The following CSMD1 variants were observed in gnomAD, a reference collection of about 807,000 sequenced individuals.
The protein encoded by CSMD1 is CUB and Sushi multiple domains 1.
In CSMD1, 213 loss-of-function variants were observed where a neutral mutation model predicts 417.5. The ratio of observed to expected loss-of-function variants is 0.51; its 90% CI spans 0.46 to 0.57. The LOEUF (loss-of-function observed/expected upper bound fraction) is 0.57, where lower values mean the gene tolerates loss of function less well. Ranked by LOEUF, CSMD1 falls within the 20% of genes least tolerant of loss-of-function variation. The pLI is 0.00. For synonymous variants in CSMD1, 2,862 were observed against 1,736.8 expected, an observed-to-expected ratio of 1.65 and a Z score of -16.11; for missense variants, 6,923 against 4,529.7, an observed-to-expected ratio of 1.53 and a Z score of -15.17.
chr8:3,078,505 C>A (rs1040431407), intron 49 of CSMD1, among the ~76,000 whole-genome samples: 2 of 152,152 alleles, frequency 1.3e-5, no homozygotes, highest in African/African-American at 4.8e-5. Context: ...TTGGACTCTG[C>A]GTTTCAGTCT....
At chr8:4,876,784 G>T (rs1803069795) in intron 1 of CSMD1, among the ~76,000 whole-genome samples, 2 of 151,930 alleles carry the variant, frequency 1.3e-5, no homozygotes, top group South Asian at 4.2e-4. Flanking sequence ...AGTTTTTTGG[G>T]GGTGTTTTAT....
At chr8:4,083,032 T>G (rs372714954) in intron 3 of CSMD1, among the ~76,000 whole-genome samples, 54 of 152,174 alleles carry the variant, frequency 3.5e-4, no homozygotes, top group South Asian at 6.2e-4. Flanking sequence ...CATTTGGGTT[T>G]GTTCCAAGTC....
chr8:4,460,458 G>C (rs991073561), intron 2 of CSMD1, among the ~76,000 whole-genome samples: 26 of 151,960 alleles, frequency 1.7e-4, no homozygotes, highest in Non-Finnish European at 3.2e-4. Context: ...ACGGTAAGCA[G>C]AATAACAAAT....
At chr8:4,990,875 C>A (rs59462884) in intron 1 of CSMD1, among the ~76,000 whole-genome samples, 3 of 152,132 alleles carry the variant, frequency 2.0e-5, no homozygotes. Context: ...GCGCACCTCT[C>A]TCGCGGTGGA....
chr8:3,266,014 C>T (rs1421707155), intron 26 of CSMD1, among the ~76,000 whole-genome samples: 1 of 151,906 alleles, frequency 6.6e-6, no homozygotes, highest in Non-Finnish European at 1.5e-5. Flanking sequence ...TGGCATCTTA[C>T]AGGTTCATGA....
chr8:3,319,018 C>G (rs866702369), intron 23 of CSMD1, among the ~76,000 whole-genome samples: 1 of 152,144 alleles, frequency 6.6e-6, no homozygotes, highest in African/African-American at 2.4e-5. Context: ...TCAGCCATTC[C>G]TATGGATCAC....
At chr8:3,503,946 G>T (rs923304323) in intron 10 of CSMD1, among the ~76,000 whole-genome samples, 18 of 152,032 alleles carry the variant, frequency 1.2e-4, no homozygotes, top group Non-Finnish European at 2.5e-4. Context: ...GGAGGCGGGG[G>T]TTAGGGCGTG....
intron 26 of CSMD1, among the ~76,000 whole-genome samples, chr8:3,264,271 G>A (rs887830366): frequency 6.6e-6 from 1 of 152,134 alleles, no homozygotes; most frequent in African/African-American, 2.4e-5. Flanking sequence ...TAAGTACCTG[G>A]TTTGGAATTT....
chr8:3,198,974 C>G (rs1279720116), intron 33 of CSMD1, among the ~76,000 whole-genome samples: 2 of 152,150 alleles, frequency 1.3e-5, no homozygotes, highest in Non-Finnish European at 2.9e-5. Context: ...AAGATCATTT[C>G]TTCCAGATCT....
intron 1 of CSMD1, among the ~76,000 whole-genome samples, chr8:4,660,347 C>T (rs1463103251): frequency 6.7e-6 from 1 of 149,388 alleles, no homozygotes; most frequent in Non-Finnish European, 1.5e-5. Flanking sequence ...TCTAGCAAAA[C>T]ACATACAGGA....
chr8:3,268,943 G>C (rs1801637751), intron 26 of CSMD1, among the ~76,000 whole-genome samples: 2 of 152,288 alleles, frequency 1.3e-5, no homozygotes, highest in Admixed American at 1.3e-4. Context: ...ATAGAAAGAA[G>C]CTGATATTCT....
intron 3 of CSMD1, among the ~76,000 whole-genome samples, chr8:4,052,299 A>C (rs1798474097): frequency 6.6e-6 from 1 of 152,198 alleles, no homozygotes; most frequent in South Asian, 2.1e-4. Flanking sequence ...ATTAGAGAAG[A>C]ACGCTGACAT....
At chr8:2,948,303 G>A (rs1319346114) in intron 68 of CSMD1, among the ~76,000 whole-genome samples, 1 of 152,074 alleles carries the variant, frequency 6.6e-6, no homozygotes, top group East Asian at 1.9e-4. Context: ...GATTTAAGAT[G>A]AAGAAATAGG....
chr8:4,912,462 G>C (rs182356790), intron 1 of CSMD1, among the ~76,000 whole-genome samples: 1 of 152,036 alleles, frequency 6.6e-6, no homozygotes, highest in Non-Finnish European at 1.5e-5. Context: ...AAAACGGGAG[G>C]AGAGCATTTC....
At chr8:4,887,483 A>G (rs370408312) in intron 1 of CSMD1, among the ~76,000 whole-genome samples, 37 of 152,142 alleles carry the variant, frequency 2.4e-4, no homozygotes, top group African/African-American at 8.0e-4. Context: ...TGTTACGTGT[A>G]GATAATTCAT....
At chr8:3,659,116 A>G (rs1798277251) in intron 7 of CSMD1, among the ~76,000 whole-genome samples, 1 of 152,202 alleles carries the variant, frequency 6.6e-6, no homozygotes, top group Admixed American at 6.5e-5. Flanking sequence ...ATTTACATAG[A>G]TAGCACATAA....
chr8:4,847,664 C>G (rs1300508499), intron 1 of CSMD1, among the ~76,000 whole-genome samples: 1 of 151,928 alleles, frequency 6.6e-6, no homozygotes, highest in East Asian at 1.9e-4. Context: ...ATGGTTTCTC[C>G]TTAAGCTCTT....
intron 3 of CSMD1, among the ~76,000 whole-genome samples, chr8:4,324,031 GC>G (rs1469897832): frequency 6.6e-6 from 1 of 152,126 alleles, no homozygotes; most frequent in East Asian, 1.9e-4. Context: ...CCCTTAGCAG[GC>G]CAGTTCCTCT....
At chr8:3,357,940 T>G (rs1362899044) in intron 21 of CSMD1, among the ~76,000 whole-genome samples, 1 of 152,190 alleles carries the variant, frequency 6.6e-6, no homozygotes, top group Non-Finnish European at 1.5e-5. Context: ...GTTTAATTTT[T>G]TAATAACGAA....
Sources: allele counts gnomAD v4.1 joint callset (sites outside exome capture counted in the v4.1 genomes callset), GRCh38; gene constraint gnomAD v4.1.1; transcripts MANE v1.5; gene names NCBI Gene and HGNC (gene_info 2026-07-23, HGNC 2026-07-21).